The following FHIT variants were observed in gnomAD, a reference collection of about 807,000 sequenced individuals.
FHIT encodes the protein fragile histidine triad diadenosine triphosphatase.
FHIT carries 19 observed loss-of-function variants against 17.9 expected under a neutral mutation model. That is an observed-to-expected ratio of 1.06 (90% CI 0.74 to 1.56). The LOEUF is 1.56. Among genes scored for constraint, FHIT ranks in the 40% most tolerant of loss-of-function variants. FHIT has a pLI of 0.00. For synonymous variants in FHIT, 81 were observed against 69.7 expected (o/e 1.16, Z -0.81); for missense variants, 248 against 189.2 (o/e 1.31, Z -1.82).
chr3:60,321,228 C>G (rs1387773030), intron 5 of FHIT, among the ~76,000 whole-genome samples: 2 of 152,170 alleles, frequency 1.3e-5, no homozygotes, highest in Non-Finnish European at 2.9e-5. Context: ...GCCTGCAATT[C>G]CAGTACTCTG....
chr3:60,042,460 G>T (rs1701480538), intron 5 of FHIT, among the ~76,000 whole-genome samples: 2 of 152,166 alleles, frequency 1.3e-5, no homozygotes, highest in South Asian at 4.1e-4. Context: ...GGTCACCAGG[G>T]TTGGTTCCTT....
intron 7 of FHIT, among the ~76,000 whole-genome samples, chr3:59,955,718 G>A (rs1354399581): frequency 6.6e-6 from 1 of 152,126 alleles, no homozygotes; most frequent in African/African-American, 2.4e-5. Context: ...AGAAATCTAA[G>A]AGTCATTCAC....
intron 4 of FHIT, among the ~76,000 whole-genome samples, chr3:60,648,789 A>G (rs536450014): frequency 6.6e-6 from 1 of 152,254 alleles, no homozygotes; most frequent in South Asian, 2.1e-4. Context: ...GCCCTTCCTA[A>G]AGGCGTTTGC....
chr3:61,154,153 C>A (rs1392090661), intron 2 of FHIT, among the ~76,000 whole-genome samples: 1 of 152,082 alleles, frequency 6.6e-6, no homozygotes, highest in Non-Finnish European at 1.5e-5. Flanking sequence ...AAATAATTAC[C>A]AGGCTCGCAC....
chr3:60,936,271 C>G (rs1553773043), intron 3 of FHIT, among the ~76,000 whole-genome samples: 1 of 152,198 alleles, frequency 6.6e-6, no homozygotes, highest in Admixed American at 6.5e-5. Context: ...AACTTGCCCT[C>G]CAAGTCATCA....
chr3:60,304,709 T>C (rs1708597492), intron 5 of FHIT, among the ~76,000 whole-genome samples: 3 of 152,150 alleles, frequency 2.0e-5, no homozygotes, highest in Admixed American at 2.0e-4. Context: ...TACATTTATC[T>C]GAAATTCAAA....
intron 4 of FHIT, among the ~76,000 whole-genome samples, chr3:60,696,930 G>C (rs555128285): frequency 6.6e-6 from 1 of 152,184 alleles, no homozygotes; most frequent in African/African-American, 2.4e-5. Flanking sequence ...GAGGGGAAGA[G>C]TATTTTTTTA....
rs11439537 is a variant in FHIT at position 60,683,531 on chromosome 3, A to ATT, written c.-18+138386_-18+138387dup. On this transcript the variant is annotated intron_variant, in intron 4 of 9. Transcript: ENST00000492590. Reference sequence around the variant, plus strand: ...AAAAATTTTTAAATTAAGATAACATATTTTTTTATAATGCTATTGCATACT... The same window carrying ATT: ...AAAAATTTTTAAATTAAGATAACATATTTTTTTTTATAATGCTATTGCATACT... 6.6e-5 allele frequency among the ~76,000 whole-genome samples: 10 copies of ATT among 151,888 alleles called. No homozygotes were observed. In the East Asian group the frequency reaches 1.2e-3, roughly 18 times the overall value.
At chr3:60,496,110 A>C (rs2034289821) in intron 5 of FHIT, among the ~76,000 whole-genome samples, 1 of 152,074 alleles carries the variant, frequency 6.6e-6, no homozygotes, top group Non-Finnish European at 1.5e-5. Context: ...GTACAGCCAA[A>C]ATGCATAGAC....
chr3:60,180,458 A>T (rs1701878378), intron 5 of FHIT, among the ~76,000 whole-genome samples: 1 of 152,174 alleles, frequency 6.6e-6, no homozygotes. Flanking sequence ...AAATGAAAAG[A>T]AAGCTGAAGG....
chr3:61,166,989 G>T (rs938662948), intron 2 of FHIT: 2 of 152,196 alleles, frequency 1.3e-5, no homozygotes, highest in Non-Finnish European at 2.9e-5. Flanking sequence ...TTCAGGGGCT[G>T]GAGAAGCCCA....
At chr3:60,361,713 T>C (rs180715489) in intron 5 of FHIT, among the ~76,000 whole-genome samples, 16 of 152,218 alleles carry the variant, frequency 1.1e-4, no homozygotes, top group African/African-American at 3.9e-4. Context: ...GAGAGACAGA[T>C]TTTACCCCTC....
chr3:59,980,642 T>C (rs1047789644), intron 7 of FHIT, among the ~76,000 whole-genome samples: 150 of 152,258 alleles, frequency 9.9e-4, no homozygotes, highest in African/African-American at 3.5e-3. Context: ...AGGCCAAGGA[T>C]AGCTTGTCCC....
chr3:59,958,056 G>C (rs976564809), intron 7 of FHIT, among the ~76,000 whole-genome samples: 1 of 152,192 alleles, frequency 6.6e-6, no homozygotes, highest in Non-Finnish European at 1.5e-5. Context: ...CCATATGCAA[G>C]AGCAGGATCT....
At chr3:59,909,978 C>T (rs1030190778) in intron 8 of FHIT, among the ~76,000 whole-genome samples, 1 of 152,196 alleles carries the variant, frequency 6.6e-6, no homozygotes, top group Non-Finnish European at 1.5e-5. Flanking sequence ...ATTCCATTCT[C>T]CATTTATATG....
At chr3:60,322,233 A>G (rs945193170) in intron 5 of FHIT, among the ~76,000 whole-genome samples, 1 of 152,200 alleles carries the variant, frequency 6.6e-6, no homozygotes, top group South Asian at 2.1e-4. Flanking sequence ...GGAGTATATT[A>G]GCACTAAAAT....
chr3:60,715,412 C>T (rs937683771), intron 4 of FHIT, among the ~76,000 whole-genome samples: 1 of 152,044 alleles, frequency 6.6e-6, no homozygotes. Context: ...AATTGTGGCA[C>T]ATATACACCA....
chr3:60,821,150 A>G (rs1286084878), intron 4 of FHIT, among the ~76,000 whole-genome samples: 2 of 151,878 alleles, frequency 1.3e-5, no homozygotes, highest in African/African-American at 2.4e-5. Context: ...TAATTTTTGG[A>G]TTTTTGGTAG....
chr3:60,623,595 T>C (rs2039195985), intron 4 of FHIT, among the ~76,000 whole-genome samples: 1 of 152,202 alleles, frequency 6.6e-6, no homozygotes, highest in African/African-American at 2.4e-5. Context: ...CAAGAGCCTT[T>C]ATGACTTATA....
Sources: gnomAD v4.1 joint callset for allele counts (sites outside exome capture counted in the v4.1 genomes callset) on GRCh38, gnomAD v4.1.1 for gene constraint, MANE v1.5 for transcripts, NCBI Gene and HGNC (gene_info 2026-07-23, HGNC 2026-07-21) for gene names.